Variants in FGGY observed in about 807,000 individuals in gnomAD.
FGGY encodes the protein FGGY carbohydrate kinase domain containing, also known as FGGY carbohydrate kinase domain-containing protein.
A neutral mutation model predicts 71.3 loss-of-function variants in FGGY; 72 were observed. The observed-to-expected ratio is 1.01, with a 90% CI of 0.84 to 1.23. The LOEUF is 1.23. Ranked by LOEUF, FGGY falls within the 50% of genes most tolerant of loss-of-function variation. The probability of loss-of-function intolerance (pLI) is 0.00; values close to 1 mark genes in which losing one functional copy is unlikely to be tolerated. For missense variants in FGGY, 668 were observed against 682.3 expected (o/e 0.98, Z 0.23); for synonymous variants, 251 against 250.3 (o/e 1.00, Z -0.02).
At chr1:59,673,043 CTCA>C (rs1170518857) in intron 13 of FGGY, among the ~76,000 whole-genome samples, 2 of 152,174 alleles carry the variant, frequency 1.3e-5, no homozygotes, top group Admixed American at 1.3e-4. Flanking sequence ...ATGTAAGTGA[CTCA>C]TCATTCAGTC....
intron 8 of FGGY, among the ~76,000 whole-genome samples, chr1:59,598,967 A>G (rs903714720): frequency 2.0e-5 from 3 of 152,228 alleles, no homozygotes; most frequent in African/African-American, 7.2e-5. Flanking sequence ...ATGACAAGCT[A>G]CAATACAGGA....
chr1:59,686,794 T>C (rs1231849444), intron 14 of FGGY, among the ~76,000 whole-genome samples: 1 of 152,194 alleles, frequency 6.6e-6, no homozygotes, highest in African/African-American at 2.4e-5. Flanking sequence ...GATTAGTCCC[T>C]TTACCTCTCT....
chr1:59,549,239 C>A (rs2095571266), intron 7 of FGGY, among the ~76,000 whole-genome samples: 1 of 152,164 alleles, frequency 6.6e-6, no homozygotes, highest in African/African-American at 2.4e-5. Context: ...AACCTCCCAG[C>A]CAGCTTTGGC....
rs183423397 is a variant in FGGY, at chr1:59,488,690, G to T, written c.671-23621G>T. On this transcript the variant is annotated intron_variant, in intron 6 of 15. Transcript: ENST00000303721. Reference sequence around the variant, plus strand: ...TCAAATATACAGCTTTTAATTTACTGTGTAACGATTTTTAAAACAACACTT... The same window carrying T: ...TCAAATATACAGCTTTTAATTTACTTTGTAACGATTTTTAAAACAACACTT... Among the ~76,000 whole-genome samples the T allele has an allele frequency of 1.3e-3, 193 of 151,638 alleles. 2 individuals are homozygous for T. Among genetic ancestry groups the T allele is most frequent in the African/African-American group, 4.3e-3 (179 of 41,446 alleles).
chr1:59,628,298 C>A (rs1335972933), intron 10 of FGGY, among the ~76,000 whole-genome samples: 1 of 152,110 alleles, frequency 6.6e-6, no homozygotes, highest in Non-Finnish European at 1.5e-5. Flanking sequence ...TGTTCTTGCC[C>A]AAAATGATTA....
At chr1:59,673,965 C>G in intron 13 of FGGY, 74 bp from the exon 14 acceptor site, 1 of 1,351,142 alleles carries the variant, frequency 7.4e-7, no homozygotes, top group South Asian at 1.2e-5. Flanking sequence ...GTTTTTGCCA[C>G]TGCGGCTGCT....
intron 6 of FGGY, among the ~76,000 whole-genome samples, chr1:59,461,389 C>T (rs893976462): frequency 1.1e-4 from 16 of 152,052 alleles, no homozygotes; most frequent in South Asian, 2.1e-4. Flanking sequence ...TAACAAGAAA[C>T]GAATGAAGCC....
At chr1:59,613,826 A>T (rs890503136) in intron 9 of FGGY, among the ~76,000 whole-genome samples, 2 of 152,212 alleles carry the variant, frequency 1.3e-5, no homozygotes, top group Non-Finnish European at 2.9e-5. Flanking sequence ...ATCACCACCG[A>T]TCCCATAGAA....
intron 14 of FGGY, among the ~76,000 whole-genome samples, chr1:59,701,955 A>T (rs1336421425): frequency 6.6e-6 from 1 of 152,184 alleles, no homozygotes; most frequent in Non-Finnish European, 1.5e-5. Flanking sequence ...TGCTATAAAG[A>T]TACTACCTGA....
At chr1:59,438,626 G>T (rs910799428) in intron 5 of FGGY, among the ~76,000 whole-genome samples, 2 of 152,012 alleles carry the variant, frequency 1.3e-5, no homozygotes, top group Admixed American at 1.3e-4. Flanking sequence ...TATAGTCCCC[G>T]GGAAACCAAA....
chr1:59,369,406 C>A (rs187476628), intron 4 of FGGY, among the ~76,000 whole-genome samples: 77 of 152,328 alleles, frequency 5.1e-4, no homozygotes, highest in African/African-American at 1.9e-3. Flanking sequence ...ACAGAGCAGC[C>A]TGGAAGCTCA....
chr1:59,531,223 C>T (rs1173861348), intron 7 of FGGY, among the ~76,000 whole-genome samples: 1 of 152,154 alleles, frequency 6.6e-6, no homozygotes, highest in Non-Finnish European at 1.5e-5. Flanking sequence ...CTCTTTAAAC[C>T]TCACTTTTTT....
intron 14 of FGGY, among the ~76,000 whole-genome samples, chr1:59,694,533 C>G (rs1183884985): frequency 6.6e-6 from 1 of 151,990 alleles, no homozygotes; most frequent in Non-Finnish European, 1.5e-5. Flanking sequence ...AAAGGGACAA[C>G]CAGGACAAAG....
At chr1:59,410,176 A>G (rs919786366) in intron 5 of FGGY, among the ~76,000 whole-genome samples, 1 of 152,182 alleles carries the variant, frequency 6.6e-6, no homozygotes, top group East Asian at 1.9e-4. Context: ...TTCTAGCATT[A>G]TAGGTATTTA....
chr1:59,307,313 C>CAAAAAAAAAAA (rs398049311), intron 1 of FGGY, among the ~76,000 whole-genome samples: 1 of 67,382 alleles, frequency 1.5e-5, no homozygotes, highest in Non-Finnish European at 2.9e-5. Context: ...GACCCTGTCT[C>CAAAAAAAAAAA]AAAAAAAAAA....
chr1:59,736,171 A>G (rs1207053587), intron 14 of FGGY, among the ~76,000 whole-genome samples: 1 of 152,122 alleles, frequency 6.6e-6, no homozygotes, highest in Non-Finnish European at 1.5e-5. Context: ...GCCTTCTGCC[A>G]TGATTGTGAG....
In FGGY at chr1:59,674,154, G is replaced by A. The variant is rs372874857; in HGVS notation, c.1512+21G>A. 8.7e-6 allele frequency: 14 copies of A among 1,600,024 alleles called. No individual in the cohort carries two copies. The African/African-American group carries it at 1.5e-4, about 17-fold the overall frequency. ...TACAGGTATGTGAAGACCAGGGGGT[G>A]GGCTGTGGCTCCTCCCCTGTCTGAG... On this transcript the variant is annotated intron_variant, in intron 14 of 15. Transcript: ENST00000303721.
At chr1:59,612,701 C>T (rs548145228) in intron 9 of FGGY, among the ~76,000 whole-genome samples, 1 of 152,274 alleles carries the variant, frequency 6.6e-6, no homozygotes, top group South Asian at 2.1e-4. Context: ...CACAGACTGG[C>T]AAATTGGATA....
intron 2 of FGGY, among the ~76,000 whole-genome samples, chr1:59,328,834 G>A (rs964094220): frequency 5.9e-5 from 9 of 151,578 alleles, no homozygotes; most frequent in African/African-American, 2.2e-4. Context: ...GAGAGATGAG[G>A]AATAGCTAGT....
Sources: gnomAD v4.1 joint callset for allele counts (sites outside exome capture counted in the v4.1 genomes callset) on GRCh38, gnomAD v4.1.1 for gene constraint, MANE v1.5 for transcripts, NCBI Gene and HGNC (gene_info 2026-07-23, HGNC 2026-07-21) for gene names.